Variants in LNX2 observed in about 807,000 individuals in gnomAD.
The protein encoded by LNX2 is ligand of numb-protein X 2.
In LNX2, 35 loss-of-function variants were observed where a neutral mutation model predicts 66.2. The observed-to-expected ratio is 0.53, with a 90% confidence interval of 0.40 to 0.70. The LOEUF (loss-of-function observed/expected upper bound fraction) is 0.70. Among genes scored for constraint, LNX2 ranks in the 30% least tolerant of loss-of-function variants. The pLI is 0.00. For missense variants in LNX2, 791 were observed against 850.8 expected, an observed-to-expected ratio of 0.93 and a Z score of 0.87; for synonymous variants, 337 against 315.6, an observed-to-expected ratio of 1.07 and a Z score of -0.72.
chr13:27,581,927 T>C (rs1955402853), intron 1 of LNX2, 124 bp from the exon 2 acceptor site: 1 of 383,016 alleles, frequency 2.6e-6, no homozygotes, highest in Non-Finnish European at 4.6e-6. Flanking sequence ...AATCAGGTAA[T>C]AAATTAGTCA....
At chr13:27,605,733 T>C (rs1955707595) in intron 1 of LNX2, among the ~76,000 whole-genome samples, 1 of 152,170 alleles carries the variant, frequency 6.6e-6, no homozygotes, top group Non-Finnish European at 1.5e-5. Context: ...AACTTAAAGT[T>C]CCTAGCTCAG....
intron 1 of LNX2, among the ~76,000 whole-genome samples, chr13:27,596,128 T>C (rs761012314): frequency 6.6e-6 from 1 of 152,140 alleles, no homozygotes; most frequent in Non-Finnish European, 1.5e-5. Context: ...TTTCAATGAA[T>C]TTATTAGAAA....
rs1333411227 is a variant in LNX2, at chr13:27,546,117, A to G, written c.*2218T>C. 6.6e-6 allele frequency: 1 copy of G among 152,246 alleles called. No individual in the cohort carries two copies. The highest frequency in any genetic ancestry group is 1.5e-5 in the Non-Finnish European group (1 of 68,046). The allele number at this position is 152,246 out of a possible 1,614,324, so 9.4% of individuals were successfully genotyped here. On this transcript the variant is annotated 3_prime_UTR_variant, in exon 10 of 10. Transcript: ENST00000316334. ...CCGTCACCAAATATCACTCTGACCA[A>G]AAATGACTGTCTTTTGTCATAAAAG...
At chr13:27,593,221 C>A (rs1955562802) in intron 1 of LNX2, among the ~76,000 whole-genome samples, 2 of 152,114 alleles carry the variant, frequency 1.3e-5, no homozygotes, top group African/African-American at 4.8e-5. Context: ...CCTTTGGAAG[C>A]CTTTGTCATT....
chr13:27,567,615 T>A, intron 4 of LNX2, 25 bp downstream of exon 4: 3 of 1,604,268 alleles, frequency 1.9e-6, no homozygotes, highest in Non-Finnish European at 2.6e-6. Flanking sequence ...AAGGCACAAG[T>A]TAACAGAATA....
intron 2 of LNX2, among the ~76,000 whole-genome samples, chr13:27,576,619 G>A (rs1031292037): frequency 6.6e-6 from 1 of 151,716 alleles, no homozygotes; most frequent in South Asian, 2.1e-4. Flanking sequence ...CCAGCTACTC[G>A]GATGCTGAGG....
intron 1 of LNX2, among the ~76,000 whole-genome samples, chr13:27,584,974 C>T (rs1009015299): frequency 3.3e-5 from 5 of 151,354 alleles, no homozygotes; most frequent in African/African-American, 4.9e-5. Context: ...AAAAATTAGC[C>T]GGCTATGGTG....
At chr13:27,596,033 T>C (rs557925508) in intron 1 of LNX2, among the ~76,000 whole-genome samples, 4 of 152,336 alleles carry the variant, frequency 2.6e-5, no homozygotes, top group East Asian at 3.9e-4. Flanking sequence ...CACGTATCTA[T>C]GGTGCTCAAC....
chr13:27,569,069 G>C lies in LNX2; in HGVS notation c.615C>G (p.Gly205=). 6.2e-7 allele frequency: 1 copy of C among 1,613,774 alleles called. No homozygotes were observed. The highest frequency in any genetic ancestry group is 8.5e-7 in the Non-Finnish European group (1 of 1,179,862). ...ASLSTWSEEP[G]LDNPAFEESA... ...TCTCCTCAAAGGCAGGGTTGTCAAG[G>C]CCAGGCTCCTCACTCCATGTGGAAA... The change falls in exon 3 of 10, where the codon GGC becomes GGG. Residue 205 remains glycine, a synonymous_variant. Coordinates refer to ENST00000316334, the MANE Select transcript of LNX2 (RefSeq NM_153371.4).
rs760861181 is a variant in LNX2, at chr13:27,581,732, T to TA, written c.-30dup. On this transcript the variant is annotated 5_prime_UTR_variant, in exon 2 of 10. Transcript: ENST00000316334. ...GAATCAATTCTGTATCCTCATGTGT[T>TA]AGACTTCCACTTCACGCTTGGTTTC... is the stretch of plus-strand genomic sequence containing the variant. The TA allele has an allele frequency of 3.2e-6, 5 of 1,548,654 alleles. No individual in the cohort carries two copies. In the East Asian group the frequency reaches 9.0e-5, roughly 28 times the overall value.
At chr13:27,606,136 T>A (rs1465029802) in intron 1 of LNX2, among the ~76,000 whole-genome samples, 1 of 152,132 alleles carries the variant, frequency 6.6e-6, no homozygotes, top group East Asian at 1.9e-4. Flanking sequence ...AGCAAACAGA[T>A]GTGTTAAACA....
At chr13:27,565,425 G>GC (rs1195733417) in intron 4 of LNX2, among the ~76,000 whole-genome samples, 1 of 152,210 alleles carries the variant, frequency 6.6e-6, no homozygotes, top group African/African-American at 2.4e-5. Context: ...AGGACTATCT[G>GC]CCCTTCCTGG....
intron 2 of LNX2, among the ~76,000 whole-genome samples, chr13:27,570,661 C>T (rs927931032): frequency 7.9e-5 from 12 of 151,970 alleles, no homozygotes; most frequent in Admixed American, 2.0e-4. Context: ...AGGTTTAATT[C>T]GAAATATATT....
At chr13:27,566,153 C>A (rs1955203106) in intron 4 of LNX2, among the ~76,000 whole-genome samples, 1 of 151,980 alleles carries the variant, frequency 6.6e-6, no homozygotes, top group African/African-American at 2.4e-5. Flanking sequence ...TCATCACGTG[C>A]CAAGTGATGA....
intron 5 of LNX2, 108 bp downstream of exon 5, chr13:27,562,305 T>C (rs962876011): frequency 2.9e-6 from 4 of 1,367,868 alleles, no homozygotes; most frequent in Non-Finnish European, 4.0e-6. Flanking sequence ...GATTTTCTAA[T>C]GAAATATAAA....
intron 1 of LNX2, among the ~76,000 whole-genome samples, chr13:27,617,143 T>C (rs1384145228): frequency 2.0e-5 from 3 of 152,150 alleles, no homozygotes; most frequent in African/African-American, 7.2e-5. Flanking sequence ...AACCACAGAT[T>C]TTCCTACTGC....
intron 1 of LNX2, among the ~76,000 whole-genome samples, chr13:27,598,616 T>G (rs1955624224): frequency 7.9e-6 from 1 of 126,824 alleles, no homozygotes; most frequent in East Asian, 2.1e-4. Flanking sequence ...CTCACATTCC[T>G]CCCCATTTTT....
intron 9 of LNX2, among the ~76,000 whole-genome samples, chr13:27,549,439 T>C (rs1054039859): frequency 3.9e-5 from 6 of 152,178 alleles, no homozygotes; most frequent in Non-Finnish European, 5.9e-5. Flanking sequence ...CGGGCTTTGA[T>C]AAGACGCTGT....
intron 4 of LNX2, among the ~76,000 whole-genome samples, chr13:27,565,353 T>C (rs1955191444): frequency 6.6e-6 from 1 of 152,192 alleles, no homozygotes. Flanking sequence ...AGTGTACACT[T>C]ACATTTCAGC....
Sources: allele counts gnomAD v4.1 joint callset (sites outside exome capture counted in the v4.1 genomes callset), GRCh38; gene constraint gnomAD v4.1.1; transcripts MANE v1.5; gene names NCBI Gene and HGNC (gene_info 2026-07-23, HGNC 2026-07-21).